The following ST7 variants were observed in gnomAD, a reference collection of about 807,000 sequenced individuals.
ST7 encodes the protein suppression of tumorigenicity 7.
Under a neutral mutation model 78.7 loss-of-function variants are expected in ST7, and 28 were observed. The ratio of observed to expected loss-of-function variants is 0.36; its 90% CI spans 0.26 to 0.49. The LOEUF (loss-of-function observed/expected upper bound fraction) is 0.49, where lower values mean the gene tolerates loss of function less well. Ranked by LOEUF, ST7 falls within the 20% of genes least tolerant of loss-of-function variation. The pLI is 0.99. For missense variants in ST7, 418 were observed against 696.0 expected (o/e 0.60, Z 4.49); for synonymous variants, 247 against 249.6 (o/e 0.99, Z 0.10).
intron 12 of ST7, among the ~76,000 whole-genome samples, chr7:117,202,658 T>C (rs1810986453): frequency 1.3e-5 from 2 of 152,186 alleles, no homozygotes; most frequent in Non-Finnish European, 2.9e-5. Context: ...CTAATTTCCA[T>C]CTGTTCCCTG....
intron 1 of ST7, among the ~76,000 whole-genome samples, chr7:116,995,876 A>T (rs1474741836): frequency 6.6e-6 from 1 of 152,188 alleles, no homozygotes; most frequent in Non-Finnish European, 1.5e-5. Flanking sequence ...TTAAAATTTT[A>T]AAAATTGTGT....
chr7:117,084,635 C>T (rs1800005936), intron 1 of ST7, among the ~76,000 whole-genome samples: 2 of 152,142 alleles, frequency 1.3e-5, no homozygotes, highest in South Asian at 4.1e-4. Context: ...AGGATAATAA[C>T]ACAAAGTTGT....
rs147052522 is a variant in ST7 at position 117,127,910 on chromosome 7, G to A, written c.395-1883G>A. Among the ~76,000 whole-genome samples the A allele has an allele frequency of 1.8e-3, 267 of 151,950 alleles. 2 individuals carry two copies. The highest frequency in any genetic ancestry group is 5.1e-3 in the African/African-American group (212 of 41,490). On this transcript the variant is annotated intron_variant, in intron 3 of 15. Transcript: ENST00000323984. ...ATTGCATCTGATATATAATAGAGTC[G>A]AAATTTTAATTGAAAACAGTTTTCT...
chr7:117,205,754 C>A (rs1162769729), intron 12 of ST7, among the ~76,000 whole-genome samples: 1 of 152,262 alleles, frequency 6.6e-6, no homozygotes, highest in Middle Eastern at 3.4e-3. Context: ...TGGAGGCTGA[C>A]ACAAATAGAT....
intron 1 of ST7, among the ~76,000 whole-genome samples, chr7:117,007,341 C>T (rs1795199211): frequency 6.6e-6 from 1 of 152,132 alleles, no homozygotes; most frequent in Non-Finnish European, 1.5e-5. Flanking sequence ...CCATAACATT[C>T]CCTTAAGCCG....
intron 13 of ST7, among the ~76,000 whole-genome samples, chr7:117,217,886 C>T (rs1197093434): frequency 1.3e-5 from 2 of 152,114 alleles, no homozygotes; most frequent in Non-Finnish European, 2.9e-5. Context: ...GACTGCATTC[C>T]AAATGCTGGA....
intron 1 of ST7, among the ~76,000 whole-genome samples, chr7:116,976,893 T>A (rs1302467313): frequency 6.6e-6 from 1 of 152,256 alleles, no homozygotes; most frequent in Non-Finnish European, 1.5e-5. Context: ...GAGTGTTAAA[T>A]GACATTGTTA....
At chr7:116,978,413 A>G (rs1176502195) in intron 1 of ST7, among the ~76,000 whole-genome samples, 2 of 152,196 alleles carry the variant, frequency 1.3e-5, no homozygotes, top group Non-Finnish European at 2.9e-5. Flanking sequence ...GATAGAATGG[A>G]CCAATTACAT....
chr7:116,964,401 T>C (rs1486985047), intron 1 of ST7, among the ~76,000 whole-genome samples: 1 of 152,186 alleles, frequency 6.6e-6, no homozygotes, highest in African/African-American at 2.4e-5. Flanking sequence ...AAAATAATGC[T>C]CTTGGGGTGT....
At chr7:117,084,847 C>G (rs967664601) in intron 1 of ST7, among the ~76,000 whole-genome samples, 2 of 152,096 alleles carry the variant, frequency 1.3e-5, no homozygotes, top group Non-Finnish European at 2.9e-5. Flanking sequence ...AACCAGGGAG[C>G]ATTCTATTTT....
chr7:117,162,022 C>T (rs766325218), intron 9 of ST7, among the ~76,000 whole-genome samples: 5 of 152,026 alleles, frequency 3.3e-5, no homozygotes, highest in Admixed American at 6.6e-5. Flanking sequence ...TGTACTTATT[C>T]GCTGAAAACT....
At chr7:117,009,586 GA>G (rs1254801057) in intron 1 of ST7, among the ~76,000 whole-genome samples, 1 of 152,070 alleles carries the variant, frequency 6.6e-6, no homozygotes, top group Non-Finnish European at 1.5e-5. Flanking sequence ...ATATTTGTAG[GA>G]CGAAAATCTT....
chr7:116,976,574 A>G (rs1004174684), intron 1 of ST7, among the ~76,000 whole-genome samples: 1 of 152,218 alleles, frequency 6.6e-6, no homozygotes, highest in South Asian at 2.1e-4. Context: ...TGGGCCATAC[A>G]TAGAACTGAC....
chr7:116,957,359 T>C (rs1451222335), intron 1 of ST7, among the ~76,000 whole-genome samples: 1 of 151,986 alleles, frequency 6.6e-6, no homozygotes, highest in Non-Finnish European at 1.5e-5. Context: ...GCTTTGATAA[T>C]AGTTTTTTTT....
chr7:116,956,643 A>G (rs6960131), intron 1 of ST7: 467,967 of 471,182 alleles, frequency 0.99, 232,471 homozygotes, highest in South Asian at 1. Flanking sequence ...TTCTGGAGTC[A>G]TTCTTGGATA....
chr7:116,961,165 C>G (rs969193993), intron 1 of ST7, among the ~76,000 whole-genome samples: 2 of 152,152 alleles, frequency 1.3e-5, no homozygotes, highest in African/African-American at 4.8e-5. Context: ...TTCCATTGGT[C>G]TATGTGTCTG....
At chr7:117,086,106 G>A (rs1157389866) in intron 1 of ST7, among the ~76,000 whole-genome samples, 1 of 151,650 alleles carries the variant, frequency 6.6e-6, no homozygotes, top group Non-Finnish European at 1.5e-5. Context: ...GGGAGGAATG[G>A]TTTCTTTCTT....
At chr7:116,953,714 G>A (rs1268023150) in intron 1 of ST7, 23 bp downstream of exon 1, 4 of 1,418,802 alleles carry the variant, frequency 2.8e-6, no homozygotes, top group Non-Finnish European at 3.8e-6. Context: ...AGCCGGGCCC[G>A]CGGCGCCCAC....
At chr7:117,125,833 C>A (rs1803788863) in intron 3 of ST7, among the ~76,000 whole-genome samples, 1 of 151,956 alleles carries the variant, frequency 6.6e-6, no homozygotes, top group Admixed American at 6.6e-5. Flanking sequence ...AGTGAAAAAT[C>A]TAACTGATGG....
Sources: allele counts gnomAD v4.1 joint callset (sites outside exome capture counted in the v4.1 genomes callset), GRCh38; gene constraint gnomAD v4.1.1; transcripts MANE v1.5; gene names NCBI Gene and HGNC (gene_info 2026-07-23, HGNC 2026-07-21).